Variants in SCG3 observed in about 807,000 individuals in gnomAD.
SCG3 encodes the protein secretogranin-3.
SCG3 carries 38 observed loss-of-function variants against 56.2 expected under a neutral mutation model. The observed-to-expected ratio is 0.68, with a 90% CI of 0.52 to 0.89. The LOEUF (loss-of-function observed/expected upper bound fraction) is 0.89. Among genes scored for constraint, SCG3 ranks in the 40% least tolerant of loss-of-function variants. The probability of loss-of-function intolerance (pLI) is 0.00; values close to 1 mark genes in which losing one functional copy is unlikely to be tolerated. For synonymous variants in SCG3, 176 were observed against 184.2 expected (o/e 0.96, Z 0.36); for missense variants, 524 against 540.7 (o/e 0.97, Z 0.31).
intron 6 of SCG3, among the ~76,000 whole-genome samples, chr15:51,691,516 T>A (rs2055266882): frequency 6.6e-6 from 1 of 152,006 alleles, no homozygotes; most frequent in Non-Finnish European, 1.5e-5. Flanking sequence ...TTGGGATAAA[T>A]TTTGAAAGTG....
chr15:51,693,752 A>C (rs944331768), intron 7 of SCG3: 3 of 152,190 alleles, frequency 2.0e-5, no homozygotes, highest in African/African-American at 7.2e-5. Context: ...TCAATTCCAG[A>C]CATTGGCCAG....
intron 10 of SCG3, among the ~76,000 whole-genome samples, chr15:51,706,249 T>C (rs1385968378): frequency 2.0e-5 from 3 of 152,206 alleles, no homozygotes; most frequent in Non-Finnish European, 4.4e-5. Context: ...AAATAAACAC[T>C]TATTCCAATG....
chr15:51,699,616 T>C (rs76389605), intron 9 of SCG3, among the ~76,000 whole-genome samples: 1 of 152,292 alleles, frequency 6.6e-6, no homozygotes, highest in East Asian at 1.9e-4. Flanking sequence ...AAAAATAATG[T>C]AGGTCTTTAC....
chr15:51,710,826 G>T (rs901371118), intron 10 of SCG3, among the ~76,000 whole-genome samples: 1 of 146,468 alleles, frequency 6.8e-6, no homozygotes, highest in Non-Finnish European at 1.5e-5. Context: ...AAACTCTTAG[G>T]TTCAAGCGAT....
rs769289615 is a variant in SCG3, at chr15:51,681,786, C to T, written c.31C>T (p.Leu11=). ...GTTCCTCGGGACCGGCACTTGGATT[C>T]TGGTGTTAGTGCTCCCGATTCAAGC... MGFLGTGTWI[L]VLVLPIQAFP... The change falls in exon 1 of 12, where the codon CTG becomes TTG. Residue 11 remains leucine (L), a synonymous_variant. Coordinates refer to ENST00000220478, the MANE Select transcript of SCG3 (RefSeq NM_013243.4). The T allele has an allele frequency of 8.1e-6, 13 of 1,614,022 alleles. No individual in the cohort carries two copies. The highest frequency in any genetic ancestry group is 1.1e-5 in the Non-Finnish European group (13 of 1,180,012).
intron 11 of SCG3, 131 bp from the exon 12 acceptor site, chr15:51,719,277 G>A (rs2055479736): frequency 1.5e-6 from 1 of 658,040 alleles, no homozygotes; most frequent in African/African-American, 1.8e-5. Flanking sequence ...GAATTAAAAT[G>A]CCTCCCGATG....
chr15:51,716,253 A>C (rs189498924), intron 11 of SCG3, among the ~76,000 whole-genome samples: 6 of 152,356 alleles, frequency 3.9e-5, no homozygotes, highest in African/African-American at 1.4e-4. Flanking sequence ...CCTATTCTGC[A>C]GAGGCAGTAT....
intron 4 of SCG3, among the ~76,000 whole-genome samples, chr15:51,683,714 ATTTAT>A (rs140361117): frequency 0.021 from 3,236 of 152,224 alleles, 92 homozygotes; most frequent in East Asian, 0.095. Flanking sequence ...GAACATTCAG[ATTTAT>A]TTTAACAATG....
At chr15:51,708,772 T>C (rs2055392145) in intron 10 of SCG3, among the ~76,000 whole-genome samples, 3 of 151,820 alleles carry the variant, frequency 2.0e-5, no homozygotes, top group Non-Finnish European at 2.9e-5. Flanking sequence ...GGCAGGAGAA[T>C]GGCGTAAATC....
rs2055491884 is a variant in SCG3, at chr15:51,720,761, T to A, written c.*1235T>A. 1 of 153,678 alleles carries A rather than the reference T, an allele frequency of 6.5e-6. No individual in the cohort carries two copies. Among genetic ancestry groups the A allele is most frequent in the Non-Finnish European group, 1.4e-5 (1 of 69,476 alleles). The allele number at this position is 153,678 out of a possible 1,614,324, so 9.5% of individuals were successfully genotyped here. On this transcript the variant is annotated 3_prime_UTR_variant, in exon 12 of 12. Transcript: ENST00000220478. Reference sequence around the variant, plus strand: ...TCAGCGCTCTGTAGCTAGCAATAGGTTTGTAAAATGCACCCATCAGCACTC... The same window carrying A: ...TCAGCGCTCTGTAGCTAGCAATAGGATTGTAAAATGCACCCATCAGCACTC...
chr15:51,685,716 A>G (rs1306879116), intron 4 of SCG3, among the ~76,000 whole-genome samples: 2 of 152,238 alleles, frequency 1.3e-5, no homozygotes, highest in African/African-American at 4.8e-5. Flanking sequence ...ATGTGTTCCC[A>G]GACCTACTCT....
chr15:51,719,343 T>C (rs1288774778), intron 11 of SCG3, 65 bp from the exon 12 acceptor site: 4 of 1,044,010 alleles, frequency 3.8e-6, no homozygotes, highest in Non-Finnish European at 5.9e-6. Flanking sequence ...CAGTTAATGG[T>C]AATCACTGTA....
At chr15:51,686,104 T>C (rs541822965) in intron 4 of SCG3, among the ~76,000 whole-genome samples, 1 of 152,338 alleles carries the variant, frequency 6.6e-6, no homozygotes, top group South Asian at 2.1e-4. Context: ...TCACTTAGAA[T>C]GTTGTGGCTA....
intron 10 of SCG3, among the ~76,000 whole-genome samples, chr15:51,703,827 T>C (rs12443218): frequency 6.6e-6 from 1 of 152,206 alleles, no homozygotes; most frequent in Non-Finnish European, 1.5e-5. Flanking sequence ...TCCTATCTTA[T>C]ACATTTTTAT....
rs1243233708 is a variant in SCG3, at chr15:51,720,382, C to T, written c.*856C>T. ...TCCTTCCTTGTGATCCAAAGCTGGT[C>T]GAGCAGCTTTCCTGGAGGAAAAGGT... On this transcript the variant is annotated 3_prime_UTR_variant, in exon 12 of 12. Coordinates refer to ENST00000220478, the MANE Select transcript of SCG3 (RefSeq NM_013243.4). 1 of 152,144 alleles carries T rather than the reference C, an allele frequency of 6.6e-6. No homozygotes were observed. The highest frequency in any genetic ancestry group is 2.4e-5 in the African/African-American group (1 of 41,416). The allele number at this position is 152,144 out of a possible 1,614,324, so 9.4% of individuals were successfully genotyped here. A position where few individuals can be genotyped will look rare whatever the true frequency, so the allele number is the denominator to read the frequency against.
intron 10 of SCG3, chr15:51,708,027 A>G (rs1277202678): frequency 6.6e-6 from 1 of 152,214 alleles, no homozygotes; most frequent in East Asian, 1.9e-4. Flanking sequence ...TTTAGAAAAG[A>G]TATTTTTCTC....
At chr15:51,684,576 TAAAC>T (rs1033796625) in intron 4 of SCG3, among the ~76,000 whole-genome samples, 126 of 152,246 alleles carry the variant, frequency 8.3e-4, no homozygotes, top group African/African-American at 2.9e-3. Context: ...GACTCCATCT[TAAAC>T]AAACAAACAA....
rs554990379 is a variant in SCG3 at position 51,688,387 on chromosome 15, A to G, written c.525A>G (p.Leu175=). Residue 175 remains leucine (L), a synonymous_variant, in exon 5 of 12, where the codon CTA becomes CTG. Coordinates refer to ENST00000220478, the MANE Select transcript of SCG3 (RefSeq NM_013243.4). The part of the protein sequence containing the change: ...RAVFDKIVSK[L]LNLGLITESQ... ...TGTTTGACAAGATTGTTTCTAAACT[A>G]CTTAATCTCGGCCTTGTAAGTCATT... The G allele has an allele frequency of 1.9e-6, 3 of 1,613,528 alleles. No individual in the cohort carries two copies. The highest frequency in any genetic ancestry group is 1.1e-5 in the South Asian group (1 of 91,034).
At position 51,689,401 on chromosome 15, in the gene SCG3, G is replaced by A. The variant is rs756214486; in HGVS notation, c.690+33G>A. The A allele has an allele frequency of 4.9e-5, 30 of 612,060 alleles. 1 individual carries two copies. In the Middle Eastern group the frequency reaches 1.8e-3, roughly 37 times the overall value. 37.9% of individuals were successfully genotyped at this position (612,060 alleles called of 1,614,324 possible). A position where few individuals can be genotyped will look rare whatever the true frequency, so the allele number is the denominator to read the frequency against. ...TGTGTATATATGCATATGCATGGGG[G>A]TGTGTGTGTGTGTGTGTGTGTGTGT... On this transcript the variant is annotated intron_variant, in intron 6 of 11. Coordinates refer to ENST00000220478, the MANE Select transcript of SCG3 (RefSeq NM_013243.4).
Sources: gnomAD v4.1 joint callset for allele counts (sites outside exome capture counted in the v4.1 genomes callset) on GRCh38, gnomAD v4.1.1 for gene constraint, MANE v1.5 for transcripts, NCBI Gene and HGNC (gene_info 2026-07-23, HGNC 2026-07-21) for gene names.